Variants in OXCT1 observed in about 807,000 individuals in gnomAD.
The protein encoded by OXCT1 is succinyl-CoA:3-ketoacid coenzyme A transferase 1, mitochondrial.
Under a neutral mutation model 69.6 loss-of-function variants are expected in OXCT1, and 27 were observed. The ratio of observed to expected loss-of-function variants is 0.39; its 90% CI spans 0.29 to 0.54. The LOEUF (loss-of-function observed/expected upper bound fraction) is 0.54. Among genes scored for constraint, OXCT1 ranks in the 20% least tolerant of loss-of-function variants. OXCT1 has a pLI of 0.72. For missense variants in OXCT1, 437 were observed against 650.2 expected (o/e 0.67, Z 3.57); for synonymous variants, 202 against 217.8 (o/e 0.93, Z 0.64).
intron 6 of OXCT1, among the ~76,000 whole-genome samples, chr5:41,841,635 G>A (rs1009771549): frequency 2.6e-5 from 4 of 152,156 alleles, no homozygotes; most frequent in Admixed American, 6.5e-5. Flanking sequence ...GCACTGCAGC[G>A]CAGAATAAAC....
intron 13 of OXCT1, among the ~76,000 whole-genome samples, chr5:41,779,646 G>C (rs1031951534): frequency 1.3e-5 from 2 of 151,366 alleles, no homozygotes; most frequent in African/African-American, 4.9e-5. Flanking sequence ...GAAAGTAAAA[G>C]ATCCGAATAC....
chr5:41,796,528 C>T (rs1436467719), intron 11 of OXCT1, among the ~76,000 whole-genome samples: 1 of 152,130 alleles, frequency 6.6e-6, no homozygotes, highest in Non-Finnish European at 1.5e-5. Context: ...AAGTCTTTCC[C>T]GAAAGCTAAC....
chr5:41,737,315 G>C (rs922259611), intron 16 of OXCT1, among the ~76,000 whole-genome samples: 2 of 152,042 alleles, frequency 1.3e-5, no homozygotes, highest in African/African-American at 4.8e-5. Flanking sequence ...ATTTTCCATT[G>C]GAACAGCACC....
intron 14 of OXCT1, among the ~76,000 whole-genome samples, chr5:41,751,999 C>T (rs1238121641): frequency 6.6e-6 from 1 of 152,134 alleles, no homozygotes; most frequent in African/African-American, 2.4e-5. Flanking sequence ...ATATGACTAG[C>T]TCCCATGTTA....
chr5:41,780,936 C>G (rs978212999), intron 13 of OXCT1, among the ~76,000 whole-genome samples: 9 of 151,152 alleles, frequency 6.0e-5, no homozygotes, highest in Admixed American at 2.6e-4. Context: ...CGGAGTCTCG[C>G]TCTGTCACCT....
chr5:41,864,016 T>G (rs1039110906), intron 1 of OXCT1, among the ~76,000 whole-genome samples: 1 of 152,130 alleles, frequency 6.6e-6, no homozygotes, highest in African/African-American at 2.4e-5. Context: ...GAACAAACCA[T>G]TATCTACAAG....
At chr5:41,770,822 T>C (rs1047908465) in intron 13 of OXCT1, among the ~76,000 whole-genome samples, 1 of 152,180 alleles carries the variant, frequency 6.6e-6, no homozygotes, top group Admixed American at 6.5e-5. Flanking sequence ...TTTATGATAA[T>C]TGTATACATT....
rs1475622011 is a variant in OXCT1 at position 41,763,684 on chromosome 5, TA to T, written c.1249-1485del. ...TCCAGGCAGTCTCAGTTTCTATACA[TA>T]GTGTCCTTGGCAGACTGAGGGGGCG... On this transcript the variant is annotated intron_variant, in intron 13 of 16. Coordinates refer to ENST00000196371, the MANE Select transcript of OXCT1 (RefSeq NM_000436.4). 3.9e-5 allele frequency among the ~76,000 whole-genome samples: 6 copies of T among 152,130 alleles called. No homozygotes were observed. The East Asian group carries it at 1.2e-3, about 29-fold the overall frequency.
chr5:41,742,967 G>C (rs925457561), intron 15 of OXCT1, among the ~76,000 whole-genome samples: 2 of 152,172 alleles, frequency 1.3e-5, no homozygotes, highest in African/African-American at 4.8e-5. Flanking sequence ...ATAGCAGCAT[G>C]ATTTATAATC....
chr5:41,846,363 T>C (rs956193102), intron 5 of OXCT1, among the ~76,000 whole-genome samples: 2 of 144,172 alleles, frequency 1.4e-5, no homozygotes, highest in African/African-American at 5.1e-5. Flanking sequence ...TTCCCACCTA[T>C]GAGTGAGAAT....
At chr5:41,742,631 C>G (rs1483457016) in intron 15 of OXCT1, among the ~76,000 whole-genome samples, 1 of 152,004 alleles carries the variant, frequency 6.6e-6, no homozygotes, top group Non-Finnish European at 1.5e-5. Flanking sequence ...ATCCCTTCCC[C>G]TGCCCCCCAC....
chr5:41,854,883 T>G (rs1419489464), intron 3 of OXCT1, among the ~76,000 whole-genome samples: 1 of 152,186 alleles, frequency 6.6e-6, no homozygotes, highest in Non-Finnish European at 1.5e-5. Context: ...TACCTACTAA[T>G]GTTCAATATA....
chr5:41,784,282 T>C (rs573123834), intron 13 of OXCT1, among the ~76,000 whole-genome samples: 1 of 152,308 alleles, frequency 6.6e-6, no homozygotes, highest in South Asian at 2.1e-4. Flanking sequence ...ACTTCATATA[T>C]GACATTTAGG....
chr5:41,735,990 T>G (rs2111978133), intron 16 of OXCT1, among the ~76,000 whole-genome samples: 1 of 152,320 alleles, frequency 6.6e-6, no homozygotes, highest in Middle Eastern at 3.4e-3. Flanking sequence ...TCTGTATCTG[T>G]GGGGTTCACA....
chr5:41,838,227 C>G (rs1185802035), intron 7 of OXCT1, among the ~76,000 whole-genome samples: 1 of 152,132 alleles, frequency 6.6e-6, no homozygotes, highest in East Asian at 1.9e-4. Context: ...AGGGTACTCA[C>G]TGGACTCAAA....
At chr5:41,821,153 A>G (rs1747528838) in intron 7 of OXCT1, among the ~76,000 whole-genome samples, 1 of 152,158 alleles carries the variant, frequency 6.6e-6, no homozygotes, top group Non-Finnish European at 1.5e-5. Context: ...TAGAAACTTC[A>G]CTCAATATGC....
intron 14 of OXCT1, among the ~76,000 whole-genome samples, chr5:41,751,492 C>T (rs1743784543): frequency 6.6e-6 from 1 of 152,080 alleles, no homozygotes; most frequent in Non-Finnish European, 1.5e-5. Context: ...GGGCTAGAGC[C>T]AAAGGACCTG....
At chr5:41,755,977 G>C (rs1029157676) in intron 14 of OXCT1, among the ~76,000 whole-genome samples, 4 of 152,048 alleles carry the variant, frequency 2.6e-5, no homozygotes, top group African/African-American at 9.7e-5. Flanking sequence ...TATGACAAAG[G>C]CAGCACAAGC....
chr5:41,760,358 T>C (rs1332834744), intron 14 of OXCT1, among the ~76,000 whole-genome samples: 1 of 152,138 alleles, frequency 6.6e-6, no homozygotes, highest in Non-Finnish European at 1.5e-5. Context: ...CAATTCTGTT[T>C]TAAAACTCAG....
Sources: gnomAD v4.1 joint callset for allele counts (sites outside exome capture counted in the v4.1 genomes callset) on GRCh38, gnomAD v4.1.1 for gene constraint, MANE v1.5 for transcripts, NCBI Gene and HGNC (gene_info 2026-07-23, HGNC 2026-07-21) for gene names.